APP: variants seen among roughly 807,000 people sequenced by gnomAD.
APP encodes amyloid-beta precursor protein.
APP carries 31 observed loss-of-function variants against 101.4 expected under a neutral mutation model. The observed-to-expected ratio is 0.31, with a 90% CI of 0.23 to 0.41. APP has a LOEUF of 0.41. Among genes scored for constraint, APP ranks in the 10% least tolerant of loss-of-function variants. The pLI is 1.00. For synonymous variants in APP, 366 were observed against 364.4 expected (o/e 1.00, Z -0.05); for missense variants, 839 against 1,003.7 (o/e 0.84, Z 2.22).
chr21:25,961,451 G>A (rs2041574502), intron 11 of APP, among the ~76,000 whole-genome samples: 1 of 152,078 alleles, frequency 6.6e-6, no homozygotes, highest in Admixed American at 6.5e-5. Context: ...ATAGATAACA[G>A]TTCCCTATAC....
At chr21:26,033,216 G>C (rs1195614059) in intron 5 of APP, among the ~76,000 whole-genome samples, 2 of 152,168 alleles carry the variant, frequency 1.3e-5, no homozygotes, top group Non-Finnish European at 2.9e-5. Context: ...TGGTGGGACG[G>C]AATTGGATCA....
At chr21:25,903,242 A>C (rs1352127194) in intron 15 of APP, among the ~76,000 whole-genome samples, 1 of 151,638 alleles carries the variant, frequency 6.6e-6, no homozygotes, top group African/African-American at 2.4e-5. Context: ...GGTGGGGCGC[A>C]TCTGTAGTCC....
At chr21:25,911,682 C>A in intron 14 of APP, 59 bp downstream of exon 14, 1 of 1,456,278 alleles carries the variant, frequency 6.9e-7, no homozygotes, top group Non-Finnish European at 9.6e-7. Flanking sequence ...CTTGCACACA[C>A]GTTATGTATG....
chr21:25,940,587 A>AT (rs1169943998), intron 13 of APP, among the ~76,000 whole-genome samples: 16 of 151,972 alleles, frequency 1.1e-4, no homozygotes, highest in South Asian at 2.1e-4. Context: ...ATATGCATGC[A>AT]TTTTTTTTCT....
intron 8 of APP, among the ~76,000 whole-genome samples, chr21:25,988,844 T>C (rs984433609): frequency 6.7e-6 from 1 of 149,478 alleles, no homozygotes; most frequent in Non-Finnish European, 1.5e-5. Context: ...AAATGCTGTA[T>C]TACCTCAGGG....
chr21:26,156,819 A>G (rs2063383790), intron 1 of APP, among the ~76,000 whole-genome samples: 1 of 151,634 alleles, frequency 6.6e-6, no homozygotes, highest in African/African-American at 2.4e-5. Context: ...AAATTCTAAT[A>G]TAATTAAAAT....
chr21:25,997,359 C>T lies in APP; in HGVS notation c.1090+1G>A, dbSNP rs113902200. 6.5e-5 allele frequency: 105 copies of T among 1,613,442 alleles called. No homozygotes were observed. Among genetic ancestry groups the T allele is most frequent in the East Asian group, 3.6e-4 (16 of 44,892 alleles). On this transcript the variant is annotated splice_donor_variant, in intron 8 of 17. Transcript: ENST00000346798. LOFTEE classifies it high-confidence loss of function. ...CTTCCCTCAGGTGAATGACAACGTACGTTTAACAGGATCTCGGGCAAGAGG... is the reference window on the plus strand; with the variant it reads ...CTTCCCTCAGGTGAATGACAACGTATGTTTAACAGGATCTCGGGCAAGAGG...
chr21:25,969,059 C>T (rs2041903912), intron 11 of APP, among the ~76,000 whole-genome samples: 1 of 151,744 alleles, frequency 6.6e-6, no homozygotes, highest in African/African-American at 2.4e-5. Flanking sequence ...TAAAAGTCCT[C>T]AAGAAGGCAT....
intron 6 of APP, 110 bp downstream of exon 6, chr21:26,021,730 A>T: frequency 6.9e-7 from 1 of 1,456,396 alleles, no homozygotes; most frequent in Non-Finnish European, 9.2e-7. Context: ...GGAAAAAAAA[A>T]CATGTTTTTG....
chr21:26,003,363 G>A (rs918747860), intron 6 of APP, among the ~76,000 whole-genome samples: 3 of 152,164 alleles, frequency 2.0e-5, no homozygotes, highest in Admixed American at 1.3e-4. Flanking sequence ...GTCCCTATTC[G>A]GGGAGTGTTG....
At chr21:26,076,568 T>A (rs1273565452) in intron 3 of APP, among the ~76,000 whole-genome samples, 1 of 152,204 alleles carries the variant, frequency 6.6e-6, no homozygotes. Context: ...ACAGGGAAAT[T>A]CAGCCCTAAA....
rs1411114284 is a variant in APP, at chr21:26,112,006, C to G, written c.198G>C (p.Lys66Asn). ...CTTGGCAATACTGCAGGATGCCTTC[C>G]TTGGTATCAATGCAGGTTTTGGTCC... ...PSGTKTCIDT[K>N]EGILQYCQEV... Residue 66 changes from lysine to asparagine, a missense_variant, in exon 2 of 18, where the codon AAG (lysine) becomes AAC (asparagine). By Grantham distance (94) the Lys-to-Asn change is moderately conservative. Coordinates refer to ENST00000346798, the MANE Select transcript of APP (RefSeq NM_000484.4). 3.1e-6 allele frequency: 5 copies of G among 1,613,974 alleles called. No homozygotes were observed. The highest frequency in any genetic ancestry group is 1.7e-6 in the Non-Finnish European group (2 of 1,179,992).
At chr21:26,008,405 A>T (rs1004412594) in intron 6 of APP, among the ~76,000 whole-genome samples, 1 of 152,232 alleles carries the variant, frequency 6.6e-6, no homozygotes, top group Non-Finnish European at 1.5e-5. Context: ...CAGGCTATTA[A>T]CAAGAAGCTC....
upstream of APP, chr21:26,170,958 C>T: frequency 8.9e-6 from 2 of 225,422 alleles, no homozygotes. Context: ...CCCACGCGCC[C>T]CCTCCGCTCC....
At chr21:26,045,734 G>T (rs2045579319) in intron 5 of APP, among the ~76,000 whole-genome samples, 1 of 152,170 alleles carries the variant, frequency 6.6e-6, no homozygotes, top group African/African-American at 2.4e-5. Flanking sequence ...CAGAACTGAT[G>T]AAGTTTAAAC....
At chr21:26,025,704 T>C (rs1193040308) in intron 5 of APP, among the ~76,000 whole-genome samples, 2 of 152,244 alleles carry the variant, frequency 1.3e-5, no homozygotes, top group Non-Finnish European at 2.9e-5. Context: ...TCCCTGCATC[T>C]GCCTGAGCAA....
intron 2 of APP, among the ~76,000 whole-genome samples, chr21:26,110,260 T>C (rs1290503018): frequency 2.6e-5 from 4 of 152,118 alleles, no homozygotes; most frequent in Non-Finnish European, 4.4e-5. Flanking sequence ...CTGGCCAATA[T>C]GGTGAAACCC....
intron 5 of APP, among the ~76,000 whole-genome samples, chr21:26,043,035 G>A (rs1412824052): frequency 2.0e-5 from 3 of 152,096 alleles, no homozygotes; most frequent in African/African-American, 7.2e-5. Flanking sequence ...CTCAGATACA[G>A]TTTGTTTTTG....
chr21:25,979,331 C>G (rs2042338235), intron 9 of APP, among the ~76,000 whole-genome samples: 1 of 152,166 alleles, frequency 6.6e-6, no homozygotes, highest in Non-Finnish European at 1.5e-5. Flanking sequence ...TCTATGGATT[C>G]TTATAAAGCA....
Sources: allele counts gnomAD v4.1 joint callset (sites outside exome capture counted in the v4.1 genomes callset), GRCh38; gene constraint gnomAD v4.1.1; transcripts MANE v1.5; gene names NCBI Gene and HGNC (gene_info 2026-07-23, HGNC 2026-07-21).